Variants in PDXDC1 observed in about 807,000 individuals in gnomAD.
PDXDC1 encodes pyridoxal-dependent decarboxylase domain-containing protein 1.
In PDXDC1, 42 loss-of-function variants were observed where a neutral mutation model predicts 100.1. That is an observed-to-expected ratio of 0.42 (90% CI 0.33 to 0.54). PDXDC1 has a LOEUF of 0.54. PDXDC1 is among the 20% of genes least tolerant of loss of function. The pLI is 0.10. For synonymous variants in PDXDC1, 260 were observed against 371.7 expected (o/e 0.70, Z 3.46); for missense variants, 636 against 979.2 (o/e 0.65, Z 4.68).
At position 15,032,014 on chromosome 16, in the gene PDXDC1, A is replaced by G. The variant is rs937029441; in HGVS notation, c.1571+108A>G. On this transcript the variant is annotated intron_variant, in intron 17 of 22. Transcript: ENST00000396410. ...AATCCAAGATGAACGTGTAGTCACA[A>G]TATGCTTAACGAAAATGCAACTCGG... 136 of 990,490 alleles carry G rather than the reference A, an allele frequency of 1.4e-4. No individual in the cohort carries two copies. The African/African-American group carries it at 2.0e-3, about 14-fold the overall frequency. The allele number at this position is 990,490 out of a possible 1,614,324, so 61.4% of individuals were successfully genotyped here. A position where few individuals can be genotyped will look rare whatever the true frequency, so the allele number is the denominator to read the frequency against.
At chr16:15,056,500 G>A (rs901033579) in intron 16 of PDXDC1, among the ~76,000 whole-genome samples, 24 of 152,306 alleles carry the variant, frequency 1.6e-4, no homozygotes, top group Non-Finnish European at 3.2e-4. Context: ...AATCAGGCGG[G>A]CACGGTGGCT....
chr16:15,131,128 G>A (rs749117947), intron 16 of PDXDC1: 243 of 1,603,866 alleles, frequency 1.5e-4, no homozygotes, highest in Admixed American at 8.4e-4. Context: ...CAGCACGGCC[G>A]CAGGGTTGCT....
chr16:15,123,746 AATT>A (rs1255724719), intron 16 of PDXDC1, among the ~76,000 whole-genome samples: 2 of 113,440 alleles, frequency 1.8e-5, no homozygotes, highest in African/African-American at 3.5e-5. Context: ...GCTAATTCAA[AATT>A]ATTATTTGCT....
intron 16 of PDXDC1, chr16:15,062,002 T>A (rs1422850130): frequency 8.2e-7 from 1 of 1,216,482 alleles, no homozygotes; most frequent in African/African-American, 1.5e-5. Flanking sequence ...TTTGTAAAGA[T>A]GGTGAAGAAA....
intron 1 of PDXDC1, among the ~76,000 whole-genome samples, chr16:14,975,961 G>A (rs1966774355): frequency 6.6e-6 from 1 of 152,308 alleles, no homozygotes; most frequent in Non-Finnish European, 1.5e-5. Flanking sequence ...CCCCATTCCA[G>A]TGGCGAGGAG....
chr16:15,065,285 T>C lies in PDXDC1; in HGVS notation c.1399+35229T>C, dbSNP rs562268171. On this transcript the variant is annotated intron_variant, in intron 16 of 16. Coordinates refer to the PDXDC1 transcript ENST00000535621. ...CGGGTTTGTGCAGATCTGCACTGAG[T>C]CTCCTCCAGCGGTACTCCTAATGAC... 2.5e-5 allele frequency: 40 copies of C among 1,613,578 alleles called. No homozygotes were observed. In the African/African-American group the frequency reaches 3.7e-4, roughly 15 times the overall value.
rs187391258 is a variant in PDXDC1 at position 15,100,981 on chromosome 16, T to C, written c.1400-37898T>C. On this transcript the variant is annotated intron_variant, in intron 16 of 16. Coordinates refer to the PDXDC1 transcript ENST00000535621. Reference sequence around the variant, plus strand: ...GCAACAGGGACGCTATCTCAAATAGTTAATTAATTAATGGAAGAAAGAAAG... The same window carrying C: ...GCAACAGGGACGCTATCTCAAATAGCTAATTAATTAATGGAAGAAAGAAAG... 1.6e-3 allele frequency among the ~76,000 whole-genome samples: 249 copies of C among 152,174 alleles called. 4 individuals are homozygous for C. The highest frequency in any genetic ancestry group is 1.6e-4 in the Non-Finnish European group (11 of 67,992).
chr16:15,032,669 A>AAAAAAAAAAAAATT, intron 17 of PDXDC1, 192 bp from the exon 18 acceptor site: 1 of 448,486 alleles, frequency 2.2e-6, no homozygotes, highest in Non-Finnish European at 3.9e-6. Flanking sequence ...AAAAAAAAAA[A>AAAAAAAAAAAAATT]GGCTTTCCTG....
chr16:15,132,998 G>C, intron 16 of PDXDC1: 1 of 1,428,218 alleles, frequency 7.0e-7, no homozygotes, highest in East Asian at 2.4e-5. Flanking sequence ...GCATTGACCC[G>C]CAACACTGAG....
intron 8 of PDXDC1, chr16:15,015,756 C>G (rs528542713): frequency 1.3e-3 from 432 of 324,280 alleles, no homozygotes; most frequent in African/African-American, 9.2e-3. Context: ...GTGAACATAA[C>G]TTTAAAATAT....
chr16:15,077,062 C>T (rs1382037736), intron 16 of PDXDC1, among the ~76,000 whole-genome samples: 2 of 150,962 alleles, frequency 1.3e-5, no homozygotes, highest in African/African-American at 4.9e-5. Flanking sequence ...TCACCGCAAA[C>T]TCCGCCCCCC....
intron 1 of PDXDC1, among the ~76,000 whole-genome samples, chr16:14,993,820 T>C (rs1971395314): frequency 6.6e-6 from 1 of 152,308 alleles, no homozygotes; most frequent in Admixed American, 6.5e-5. Flanking sequence ...TCCTGACTTT[T>C]TAATGATTGC....
chr16:14,993,354 C>T (rs1463064246), intron 1 of PDXDC1, among the ~76,000 whole-genome samples: 30 of 147,268 alleles, frequency 2.0e-4, no homozygotes, highest in African/African-American at 7.5e-4. Context: ...CATGTATTCT[C>T]ATTGTTCATT....
At chr16:15,124,261 G>C (rs1280814353) in intron 16 of PDXDC1, among the ~76,000 whole-genome samples, 17 of 152,162 alleles carry the variant, frequency 1.1e-4, no homozygotes, top group Admixed American at 1.1e-3. Context: ...TCCTGGCCCT[G>C]TCCTCAGCTA....
At chr16:15,133,537 G>C in intron 16 of PDXDC1, 1 of 975,208 alleles carries the variant, frequency 1.0e-6, no homozygotes. Flanking sequence ...GCACCACCAC[G>C]GCCAGGCCCA....
rs140226685 is a variant in PDXDC1 at position 15,008,876 on chromosome 16, A to T, written c.648+29A>T. On this transcript the variant is annotated intron_variant, in intron 7 of 22. Transcript: ENST00000396410. ...AGTTCTACTTTTGGTTTGTAAAATC[A>T]TGTGGGATTGTGTTTTGAAACTGCC... The T allele has an allele frequency of 3.0e-3, 4,848 of 1,603,710 alleles. 22 individuals carry two copies. The highest frequency in any genetic ancestry group is 2.9e-3 in the Non-Finnish European group (3,452 of 1,172,918).
At chr16:14,992,624 T>C (rs1212061914) in intron 1 of PDXDC1, among the ~76,000 whole-genome samples, 1 of 152,298 alleles carries the variant, frequency 6.6e-6, no homozygotes, top group Non-Finnish European at 1.5e-5. Flanking sequence ...AAAATTTGTC[T>C]ATTTTATCTA....
chr16:15,055,125 T>C (rs1228580420), intron 16 of PDXDC1, among the ~76,000 whole-genome samples: 1 of 152,180 alleles, frequency 6.6e-6, no homozygotes, highest in Non-Finnish European at 1.5e-5. Flanking sequence ...AAGGAACTGA[T>C]TGATTCCCCT....
chr16:14,981,363 G>A (rs1223990745), intron 1 of PDXDC1, among the ~76,000 whole-genome samples: 2 of 152,286 alleles, frequency 1.3e-5, no homozygotes, highest in Non-Finnish European at 2.9e-5. Flanking sequence ...TCTGCTAAAA[G>A]CATTTCTTTT....
Sources: allele counts gnomAD v4.1 joint callset (sites outside exome capture counted in the v4.1 genomes callset), GRCh38; gene constraint gnomAD v4.1.1; transcripts MANE v1.5; gene names NCBI Gene and HGNC (gene_info 2026-07-23, HGNC 2026-07-21).